Variants in GRIK1 observed in about 807,000 individuals in gnomAD.
The protein encoded by GRIK1 is glutamate receptor ionotropic, kainate 1.
GRIK1 carries 69 observed loss-of-function variants against 105.7 expected under a neutral mutation model. The ratio of observed to expected loss-of-function variants is 0.65; its 90% CI spans 0.54 to 0.80. The LOEUF (loss-of-function observed/expected upper bound fraction) is 0.80, where lower values mean the gene tolerates loss of function less well. GRIK1 is among the 30% of genes least tolerant of loss of function. GRIK1 has a pLI of 0.00. For missense variants in GRIK1, 1,109 were observed against 1,167.3 expected (o/e 0.95, Z 0.73); for synonymous variants, 438 against 431.3 (o/e 1.02, Z -0.19).
chr21:29,602,409 C>T (rs2061536181), intron 7 of GRIK1, among the ~76,000 whole-genome samples: 1 of 152,200 alleles, frequency 6.6e-6, no homozygotes, highest in African/African-American at 2.4e-5. Context: ...AATATCTTCT[C>T]TGTGCAGGGA....
chr21:29,618,096 T>C (rs928042842), intron 7 of GRIK1, among the ~76,000 whole-genome samples: 1 of 152,206 alleles, frequency 6.6e-6, no homozygotes, highest in Non-Finnish European at 1.5e-5. Flanking sequence ...CTTTCATCTT[T>C]GATATTTCTT....
intron 3 of GRIK1, among the ~76,000 whole-genome samples, chr21:29,683,396 T>C (rs2063419169): frequency 6.6e-6 from 1 of 152,174 alleles, no homozygotes; most frequent in African/African-American, 2.4e-5. Context: ...AGTGGTGGAT[T>C]GGATAAAGAA....
At chr21:29,821,640 G>A (rs1479121537) in intron 1 of GRIK1, among the ~76,000 whole-genome samples, 4 of 151,952 alleles carry the variant, frequency 2.6e-5, no homozygotes, top group Non-Finnish European at 4.4e-5. Context: ...GAAGGAGGTG[G>A]CTACAAAATT....
At chr21:29,642,573 C>T (rs577649088) in intron 7 of GRIK1, among the ~76,000 whole-genome samples, 2 of 152,324 alleles carry the variant, frequency 1.3e-5, no homozygotes, top group Admixed American at 6.5e-5. Flanking sequence ...GGAGCTATGG[C>T]CATGGCTGGC....
At chr21:29,846,250 GC>G (rs2068108501) in intron 1 of GRIK1, among the ~76,000 whole-genome samples, 3 of 80,554 alleles carry the variant, frequency 3.7e-5, no homozygotes, top group Non-Finnish European at 1.0e-4. Flanking sequence ...TTAGCCGGGC[GC>G]GTGGCGCATG....
intron 15 of GRIK1, among the ~76,000 whole-genome samples, chr21:29,559,789 G>A (rs976927264): frequency 2.0e-5 from 3 of 151,964 alleles, no homozygotes; most frequent in African/African-American, 7.3e-5. Context: ...AAAACATTAG[G>A]ACAATTCACC....
At chr21:29,649,518 C>T (rs2062686219) in intron 6 of GRIK1, among the ~76,000 whole-genome samples, 1 of 152,164 alleles carries the variant, frequency 6.6e-6, no homozygotes, top group Non-Finnish European at 1.5e-5. Context: ...ATCACACTTC[C>T]TGCCCAGGGG....
chr21:29,541,483 G>T (rs1047612380), intron 16 of GRIK1, among the ~76,000 whole-genome samples: 4 of 151,466 alleles, frequency 2.6e-5, no homozygotes, highest in African/African-American at 9.7e-5. Context: ...AGTCCAATGG[G>T]TGGCATATTT....
Position 29,861,151 on chromosome 21 carries a change from G to A in GRIK1, c.118+78232C>T, listed in dbSNP as rs957608695. ...TTTTATGTCTTCCAATCTCCCGGTT[G>A]TCTATTTCTTTTATTTGCCTATTGC... On this transcript the variant is annotated intron_variant, in intron 1 of 17. Transcript: ENST00000327783. 1.2e-4 allele frequency among the ~76,000 whole-genome samples: 19 copies of A among 152,152 alleles called. No individual in the cohort carries two copies. The Middle Eastern group carries it at 0.01, about 82-fold the overall frequency.
intron 1 of GRIK1, among the ~76,000 whole-genome samples, chr21:29,799,097 C>A (rs2066634784): frequency 6.6e-6 from 1 of 152,202 alleles, no homozygotes; most frequent in Non-Finnish European, 1.5e-5. Context: ...TAAACCTCAT[C>A]ATCCAAAATA....
chr21:29,914,741 T>C (rs747085737), intron 1 of GRIK1, among the ~76,000 whole-genome samples: 1 of 152,068 alleles, frequency 6.6e-6, no homozygotes, highest in Non-Finnish European at 1.5e-5. Flanking sequence ...CATGTTGAGA[T>C]AGAGTCTACA....
At chr21:29,785,731 A>G (rs529387576) in intron 1 of GRIK1, among the ~76,000 whole-genome samples, 135 of 152,272 alleles carry the variant, frequency 8.9e-4, no homozygotes, top group African/African-American at 3.0e-3. Context: ...GAATGAACAG[A>G]AACTTGGTGG....
chr21:29,686,663 C>T (rs1451501263), intron 3 of GRIK1, among the ~76,000 whole-genome samples: 1 of 152,354 alleles, frequency 6.6e-6, no homozygotes, highest in African/African-American at 2.4e-5. Flanking sequence ...TTGCTTGCTA[C>T]TTTGTCAGAG....
intron 1 of GRIK1, among the ~76,000 whole-genome samples, chr21:29,802,483 C>G (rs866631376): frequency 1.3e-5 from 2 of 152,072 alleles, no homozygotes; most frequent in African/African-American, 4.8e-5. Context: ...AAATATTGCT[C>G]TTGTTACTTT....
intron 3 of GRIK1, among the ~76,000 whole-genome samples, chr21:29,674,852 C>G (rs187213809): frequency 9.5e-4 from 145 of 152,268 alleles, no homozygotes; most frequent in African/African-American, 3.3e-3. Context: ...TGAATCTTTT[C>G]TCTTTTTACA....
intron 16 of GRIK1, among the ~76,000 whole-genome samples, chr21:29,551,217 AG>A (rs1336229217): frequency 1.3e-4 from 20 of 152,256 alleles, no homozygotes; most frequent in African/African-American, 3.9e-4. Flanking sequence ...CATGTAGTAA[AG>A]GAACATTTAG....
In GRIK1 at chr21:29,587,583, C is replaced by A; in HGVS notation, c.1576G>T (p.Asp526Tyr). ...ATGGTAAGAGGAGCCACTGCCAGGTCAGCCCTCTGCAAAAGCAAGTCCAAA... is the reference window on the plus strand; with the variant it reads ...ATGGTAAGAGGAGCCACTGCCAGGTAAGCCCTCTGCAAAAGCAAGTCCAAA... ...MVKELIDHRADLAVAPLTITY... is the reference protein window; with the variant it reads ...MVKELIDHRAYLAVAPLTITY... Residue 526 changes from aspartate to tyrosine, a missense_variant, in exon 12 of 18, where the codon GAC becomes TAC. Asp to Tyr is a radical substitution (Grantham distance 160). Around this residue, in one of 5 missense-constraint regions of GRIK1, gnomAD observed 54 missense variants for 88.1 expected, o/e 0.61. Coordinates refer to ENST00000327783, the MANE Select transcript of GRIK1 (RefSeq NM_001330994.2). The A allele has an allele frequency of 6.2e-7, 1 of 1,606,084 alleles. No individual in the cohort carries two copies. The highest frequency in any genetic ancestry group is 1.1e-5 in the South Asian group (1 of 90,720).
intron 1 of GRIK1, among the ~76,000 whole-genome samples, chr21:29,867,415 A>G (rs1204476441): frequency 6.6e-6 from 1 of 152,046 alleles, no homozygotes; most frequent in Non-Finnish European, 1.5e-5. Flanking sequence ...GAGAGGAGGA[A>G]GGGACAGAAA....
intron 15 of GRIK1, among the ~76,000 whole-genome samples, chr21:29,559,898 CTG>C (rs1467798910): frequency 6.6e-6 from 1 of 152,100 alleles, no homozygotes; most frequent in Non-Finnish European, 1.5e-5. Flanking sequence ...TGAAAGGCAG[CTG>C]TCTCTTTTAG....
Sources: gnomAD v4.1 joint callset for allele counts (sites outside exome capture counted in the v4.1 genomes callset) on GRCh38, gnomAD v4.1.1 for gene constraint, gnomAD v4.1.1 regional missense constraint, MANE v1.5 for transcripts, NCBI Gene and HGNC (gene_info 2026-07-23, HGNC 2026-07-21) for gene names.